Variants in ARID1B observed in about 807,000 individuals in gnomAD.
ARID1B encodes the protein AT-rich interactive domain-containing protein 1B.
ARID1B carries 30 observed loss-of-function variants against 212.3 expected under a neutral mutation model. That is an observed-to-expected ratio of 0.14 (90% CI 0.11 to 0.19). ARID1B has a LOEUF of 0.19. ARID1B is among the 10% of genes least tolerant of loss of function. The pLI, the probability that ARID1B is intolerant of heterozygous loss-of-function variation, is 1.00. For synonymous variants in ARID1B, 1,402 were observed against 1,301.7 expected, an observed-to-expected ratio of 1.08 and a Z score of -1.66; for missense variants, 2,891 against 3,204.0, an observed-to-expected ratio of 0.90 and a Z score of 2.36.
At chr6:156,872,683 T>C (rs1340271723) in intron 2 of ARID1B, among the ~76,000 whole-genome samples, 1 of 152,112 alleles carries the variant, frequency 6.6e-6, no homozygotes, top group Non-Finnish European at 1.5e-5. Flanking sequence ...TCTTTAATAA[T>C]TTCTATTCAG....
chr6:156,814,157 T>A (rs537307192), intron 1 of ARID1B, among the ~76,000 whole-genome samples: 72 of 152,338 alleles, frequency 4.7e-4, no homozygotes, highest in African/African-American at 1.7e-3. Context: ...GGCTCACGTC[T>A]GTAATTCCAG....
intron 4 of ARID1B, among the ~76,000 whole-genome samples, chr6:157,042,135 T>C (rs527417867): frequency 2.0e-5 from 3 of 152,204 alleles, no homozygotes; most frequent in African/African-American, 7.2e-5. Context: ...CACCTTCCCC[T>C]CCTCCTCCAG....
At chr6:157,096,531 T>A (rs77199305) in intron 5 of ARID1B, among the ~76,000 whole-genome samples, 6,094 of 152,312 alleles carry the variant, frequency 0.04, 387 homozygotes, top group African/African-American at 0.14. Flanking sequence ...CTGAAAGAAG[T>A]AATGGAGAGT....
chr6:156,839,824 TCAC>T (rs1783769162), intron 2 of ARID1B, among the ~76,000 whole-genome samples: 1 of 152,158 alleles, frequency 6.6e-6, no homozygotes, highest in African/African-American at 2.4e-5. Context: ...GACCAGGAAA[TCAC>T]CACTGCTGCT....
Position 157,168,401 on chromosome 6 carries a change from G to T in ARID1B, c.3235+1216G>T, listed in dbSNP as rs550042925. ...ACAGTTTGGTGGATGTTTTACATTC[G>T]AGATGAAAGTGAAAAGCTTGCAAAC... On this transcript the variant is annotated intron_variant, in intron 9 of 19. Transcript: ENST00000636930. The T allele has an allele frequency of 5.3e-5, 8 of 152,240 alleles. No homozygotes were observed. The South Asian group carries it at 1.7e-3, about 32-fold the overall frequency. 9.4% of individuals were successfully genotyped at this position (152,240 alleles called of 1,614,324 possible). A position where few individuals can be genotyped will look rare whatever the true frequency, so the allele number is the denominator to read the frequency against.
chr6:157,009,820 G>T lies in ARID1B; in HGVS notation c.2247+74244G>T, dbSNP rs373630409. Among the ~76,000 whole-genome samples the T allele has an allele frequency of 2.7e-4, 41 of 152,350 alleles. No homozygotes were observed. In the East Asian group the frequency reaches 6.7e-3, roughly 25 times the overall value. On this transcript the variant is annotated intron_variant, in intron 4 of 19. Coordinates refer to ENST00000636930, the MANE Select transcript of ARID1B (RefSeq NM_001374828.1). The stretch of plus-strand genomic sequence containing the variant: ...AGGTGGAACAGCAAGGCACAGAGAG[G>T]TTAAGTAAGTCTTAAGTAGAATCCC...
At chr6:156,937,062 C>CT (rs1419053560) in intron 4 of ARID1B, 2 of 151,746 alleles carry the variant, frequency 1.3e-5, no homozygotes, top group East Asian at 1.9e-4. Context: ...GTGTTTTTCC[C>CT]CCCCCCTTTA....
chr6:156,795,077 C>T (rs1780266985), intron 1 of ARID1B, among the ~76,000 whole-genome samples: 2 of 150,776 alleles, frequency 1.3e-5, no homozygotes, highest in Non-Finnish European at 3.0e-5. Context: ...TCCCTACCAC[C>T]GTCTGGGTCA....
intron 7 of ARID1B, among the ~76,000 whole-genome samples, chr6:157,138,762 A>T (rs1208603997): frequency 6.6e-6 from 1 of 152,352 alleles, no homozygotes; most frequent in South Asian, 2.1e-4. Flanking sequence ...ATAAGGCCAC[A>T]GCTTCTTCTT....
At chr6:157,179,153 C>A (rs1792326533) in intron 11 of ARID1B, among the ~76,000 whole-genome samples, 1 of 152,054 alleles carries the variant, frequency 6.6e-6, no homozygotes, top group African/African-American at 2.4e-5. Context: ...ACGTTGGACC[C>A]ATTTTTTTAA....
chr6:157,067,833 G>A (rs971603925), intron 4 of ARID1B, among the ~76,000 whole-genome samples: 5 of 151,888 alleles, frequency 3.3e-5, no homozygotes, highest in African/African-American at 1.2e-4. Context: ...CCTGTATCCT[G>A]CCATATGTAA....
chr6:156,942,607 T>G (rs1792759949), intron 4 of ARID1B: 1 of 152,038 alleles, frequency 6.6e-6, no homozygotes, highest in Non-Finnish European at 1.5e-5. Context: ...TTTTTATTTT[T>G]TATGCTAAAA....
At chr6:156,885,291 T>G (rs1433569975) in intron 2 of ARID1B, among the ~76,000 whole-genome samples, 1 of 152,218 alleles carries the variant, frequency 6.6e-6, no homozygotes, top group Non-Finnish European at 1.5e-5. Context: ...CAGAGGTGCT[T>G]AGAATGGACA....
intron 2 of ARID1B, among the ~76,000 whole-genome samples, chr6:156,893,024 CTT>C (rs890377448): frequency 2.4e-5 from 3 of 126,168 alleles, no homozygotes; most frequent in South Asian, 4.8e-4. Flanking sequence ...CTATAAAACT[CTT>C]TTTTTTTCTT....
chr6:156,804,210 G>A lies in ARID1B; in HGVS notation c.1791+24739G>A, dbSNP rs375672304. ...AAATTAGCTGGGTGTGGTGGTGCACGCCTGTAGTTCCAGCTTCTTGGGAGG... is the reference window on the plus strand; with the variant it reads ...AAATTAGCTGGGTGTGGTGGTGCACACCTGTAGTTCCAGCTTCTTGGGAGG... On this transcript the variant is annotated intron_variant, in intron 1 of 19. Transcript: ENST00000636930. Among the ~76,000 whole-genome samples, 45 of 152,074 alleles carry A rather than the reference G, an allele frequency of 3.0e-4. No individual in the cohort carries two copies. In the South Asian group the frequency reaches 8.7e-3, roughly 30 times the overall value.
At chr6:156,979,759 C>T (rs1777495551) in intron 4 of ARID1B, among the ~76,000 whole-genome samples, 1 of 152,146 alleles carries the variant, frequency 6.6e-6, no homozygotes, top group Non-Finnish European at 1.5e-5. Context: ...GGTTTCACCA[C>T]ATTGGCCAGG....
intron 4 of ARID1B, among the ~76,000 whole-genome samples, chr6:156,983,257 TG>T (rs1777723525): frequency 6.6e-6 from 1 of 151,778 alleles, no homozygotes; most frequent in African/African-American, 2.4e-5. Flanking sequence ...TAGCCAGGCT[TG>T]GTGGCAGGCG....
chr6:157,178,068 A>G (rs1792227731), intron 11 of ARID1B, among the ~76,000 whole-genome samples: 1 of 152,200 alleles, frequency 6.6e-6, no homozygotes, highest in African/African-American at 2.4e-5. Context: ...CAGTATGCGA[A>G]CCATAAGCTG....
intron 15 of ARID1B, chr6:157,194,325 A>G (rs1793576015): frequency 6.6e-6 from 1 of 152,258 alleles, no homozygotes; most frequent in Non-Finnish European, 1.5e-5. Context: ...GTGAGATCAA[A>G]TAGATAAAAC....
Sources: allele counts gnomAD v4.1 joint callset (sites outside exome capture counted in the v4.1 genomes callset), GRCh38; gene constraint gnomAD v4.1.1; transcripts MANE v1.5; gene names NCBI Gene and HGNC (gene_info 2026-07-23, HGNC 2026-07-21).